FADS3: variants seen among roughly 807,000 people sequenced by gnomAD.
FADS3 encodes cytochrome b5-related protein.
A neutral mutation model predicts 60.4 loss-of-function variants in FADS3; 30 were observed. That is an observed-to-expected ratio of 0.50 (90% CI 0.37 to 0.67). FADS3 has a LOEUF of 0.67. FADS3 is among the 30% of genes least tolerant of loss of function. FADS3 has a pLI of 0.00. For synonymous variants in FADS3, 234 were observed against 249.3 expected (o/e 0.94, Z 0.58); for missense variants, 432 against 598.3 (o/e 0.72, Z 2.90).
Position 61,876,904 on chromosome 11 carries a change from G to A in FADS3, c.945C>T (p.Tyr315=), listed in dbSNP as rs367941646. The stretch of plus-strand genomic sequence containing the variant: ...AGAAGAGCAGCACCCCAGGGACGCC[G>A]TAGAAGGGGAGGTAGGATAAGAAGA... ...ARFFLSYLPF[Y]GVPGVLLFFV... Residue 315 remains tyrosine (Y), a synonymous_variant, in exon 8 of 12, where the codon TAC becomes TAT. Transcript: ENST00000278829. This position sits in a 1 kb window ranked among gnomAD's most constrained non-coding sequence, Gnocchi z 5.7. 30 of 1,610,792 alleles carry A rather than the reference G, an allele frequency of 1.9e-5. No individual in the cohort carries two copies. The highest frequency in any genetic ancestry group is 1.6e-4 in the Middle Eastern group (1 of 6,078).
Position 61,873,805 on chromosome 11 carries a change from G to T in FADS3, c.*9C>A. The T allele has an allele frequency of 2.5e-6, 4 of 1,609,400 alleles. No homozygotes were observed. The highest frequency in any genetic ancestry group is 2.2e-5 in the South Asian group (2 of 90,218). ...CCTGAGCCCTTCTCTGCCCGCCTGG[G>T]TGTTGCCTTCACTGATGGAGGTAGG... On this transcript the variant is annotated 3_prime_UTR_variant, in exon 12 of 12. Transcript: ENST00000278829.
chr11:61,877,022 C>T lies in FADS3; in HGVS notation c.886-59G>A, dbSNP rs1937921338. ...CTCCAGGTGCCCGGAGGTCTGGAGG[C>T]CTGGTGGGTGGGAGGAGGACCTCAG... On this transcript the variant is annotated intron_variant, in intron 7 of 11. Coordinates refer to ENST00000278829, the MANE Select transcript of FADS3 (RefSeq NM_021727.5). The surrounding 1 kb of genome is among the most constrained non-coding windows in gnomAD (Gnocchi z 4.7). 3.1e-6 allele frequency: 4 copies of T among 1,300,670 alleles called. No homozygotes were observed. In the South Asian group the frequency reaches 4.3e-5, roughly 14 times the overall value. 80.6% of individuals were successfully genotyped at this position (1,300,670 alleles called of 1,614,324 possible). A position where few individuals can be genotyped will look rare whatever the true frequency, so the allele number is the denominator to read the frequency against.
At chr11:61,887,439 T>C (rs770718027) in intron 1 of FADS3, among the ~76,000 whole-genome samples, 2 of 152,148 alleles carry the variant, frequency 1.3e-5, no homozygotes, top group African/African-American at 2.4e-5. Flanking sequence ...TAAATGTCCA[T>C]CAGACTCCCC....
intron 1 of FADS3, 94 bp from the exon 2 acceptor site, chr11:61,880,245 G>A (rs901648675): frequency 4.1e-6 from 4 of 965,440 alleles, no homozygotes; most frequent in African/African-American, 3.2e-5. Context: ...ACGGATGGAT[G>A]GGCAGAGCAG....
At chr11:61,879,963 G>T in intron 2 of FADS3, 78 bp downstream of exon 2, 1 of 1,222,792 alleles carries the variant, frequency 8.2e-7, no homozygotes, top group East Asian at 2.4e-5. Flanking sequence ...GCTGCTCCTG[G>T]CCATGTGGCA....
chr11:61,883,071 A>G (rs756314185), intron 1 of FADS3, among the ~76,000 whole-genome samples: 1 of 152,218 alleles, frequency 6.6e-6, no homozygotes, highest in Admixed American at 6.5e-5. Flanking sequence ...GAAATTTACC[A>G]TTGTAAGCAT....
rs753761758 is a variant in FADS3 at position 61,876,325 on chromosome 11, C to T, written c.1080+34G>A. On this transcript the variant is annotated intron_variant, in intron 9 of 11. Transcript: ENST00000278829. The surrounding 1 kb of genome is among the most constrained non-coding windows in gnomAD (Gnocchi z 5.7). ...CTGGCTCCTAGCTGGGACCCCCCAC[C>T]CCACCCAGGATGGGCCCCACCCCTG... 7 of 1,605,092 alleles carry T rather than the reference C, an allele frequency of 4.4e-6. No individual in the cohort carries two copies. Among genetic ancestry groups the T allele is most frequent in the East Asian group, 2.2e-5 (1 of 44,742 alleles).
Position 61,877,413 on chromosome 11 carries a change from G to A in FADS3, c.885+98C>T, listed in dbSNP as rs1224633687. 5 of 1,127,936 alleles carry A rather than the reference G, an allele frequency of 4.4e-6. No homozygotes were observed. Among genetic ancestry groups the A allele is most frequent in the Admixed American group, 1.7e-5 (1 of 57,822 alleles). The allele number at this position is 1,127,936 out of a possible 1,614,324, so 69.9% of individuals were successfully genotyped here. A position where few individuals can be genotyped will look rare whatever the true frequency, so the allele number is the denominator to read the frequency against. ...GTGAGCCACACTGTTGCACGCACAT[G>A]TGCACCCTGTTTGCCTTCATGGGCA... On this transcript the variant is annotated intron_variant, in intron 7 of 11. Transcript: ENST00000278829. This position sits in a 1 kb window ranked among gnomAD's most constrained non-coding sequence, Gnocchi z 4.7.
chr11:61,888,626 C>G (rs905258854), intron 1 of FADS3, among the ~76,000 whole-genome samples: 6 of 152,202 alleles, frequency 3.9e-5, no homozygotes, highest in Non-Finnish European at 8.8e-5. Flanking sequence ...GGTAGCCGTG[C>G]AGGGCTGTCC....
At chr11:61,881,459 G>C (rs1938126764) in intron 1 of FADS3, 1 of 152,072 alleles carries the variant, frequency 6.6e-6, no homozygotes, top group Admixed American at 6.5e-5. Flanking sequence ...TTTTTTCCTT[G>C]TACTTTCAGA....
At chr11:61,878,462 C>T in intron 5 of FADS3, 50 bp downstream of exon 5, 7 of 1,595,898 alleles carry the variant, frequency 4.4e-6, no homozygotes, top group South Asian at 2.3e-5. Flanking sequence ...CATTAGCTCC[C>T]CCTCAGCTGC....
intron 1 of FADS3, among the ~76,000 whole-genome samples, chr11:61,889,637 A>T (rs2136003340): frequency 6.6e-6 from 1 of 151,846 alleles, no homozygotes; most frequent in South Asian, 2.1e-4. Flanking sequence ...GCAGAGCAAG[A>T]CTCTGTCTCC....
intron 1 of FADS3, 73 bp downstream of exon 1, chr11:61,891,096 A>T: frequency 7.9e-7 from 1 of 1,270,064 alleles, no homozygotes; most frequent in Non-Finnish European, 1.1e-6. Flanking sequence ...CCACAGGTGG[A>T]GCGGGACATC....
intron 1 of FADS3, among the ~76,000 whole-genome samples, 174 bp downstream of exon 1, chr11:61,890,995 T>C (rs1251827424): frequency 6.6e-6 from 1 of 152,146 alleles, no homozygotes; most frequent in Non-Finnish European, 1.5e-5. Flanking sequence ...CTGCCCTCCC[T>C]ACCCCACATC....
At chr11:61,874,013 A>AG in intron 11 of FADS3, 148 bp from the exon 12 acceptor site, 1 of 579,154 alleles carries the variant, frequency 1.7e-6, no homozygotes, top group Non-Finnish European at 3.2e-6. Flanking sequence ...TGCGGGCTGG[A>AG]GGGTGGGTTG....
At chr11:61,883,493 ATCAC>A (rs1209066627) in intron 1 of FADS3, among the ~76,000 whole-genome samples, 5 of 152,202 alleles carry the variant, frequency 3.3e-5, no homozygotes, top group African/African-American at 1.2e-4. Flanking sequence ...ACCAGCAGGC[ATCAC>A]TCAGACACTC....
chr11:61,877,989 G>T lies in FADS3; in HGVS notation c.808+166C>A. The stretch of plus-strand genomic sequence containing the variant: ...GAGACAGCTGGGGCAAAGGCATGCT[G>T]CTGGGAGAGTGTGTACAGACTGCAG... On this transcript the variant is annotated intron_variant, in intron 6 of 11. Coordinates refer to ENST00000278829, the MANE Select transcript of FADS3 (RefSeq NM_021727.5). The surrounding 1 kb of genome is among the most constrained non-coding windows in gnomAD (Gnocchi z 4.7). 1.5e-6 allele frequency: 1 copy of T among 678,882 alleles called. No individual in the cohort carries two copies. Among genetic ancestry groups the T allele is most frequent in the Non-Finnish European group, 2.6e-6 (1 of 382,694 alleles). 42.1% of individuals were successfully genotyped at this position (678,882 alleles called of 1,614,324 possible).
In FADS3 at chr11:61,891,400, G is replaced by T. The variant is rs1002609352; in HGVS notation, c.-19C>A. On this transcript the variant is annotated 5_prime_UTR_variant, in exon 1 of 12. Coordinates refer to ENST00000278829, the MANE Select transcript of FADS3 (RefSeq NM_021727.5). ...CGCCCATGCTGCACGCACGAGTCCT[G>T]GGGATCCCAGGCGGTGGCCGAGGTC... The T allele has an allele frequency of 5.0e-6, 7 of 1,400,330 alleles. No homozygotes were observed. Among genetic ancestry groups the T allele is most frequent in the Non-Finnish European group, 6.5e-6 (7 of 1,081,516 alleles). 86.7% of individuals were successfully genotyped at this position (1,400,330 alleles called of 1,614,324 possible).
At position 61,882,911 on chromosome 11, in the gene FADS3, G is replaced by A. The variant is rs1044501987; in HGVS notation, c.214-2760C>T. On this transcript the variant is annotated intron_variant, in intron 1 of 11. Coordinates refer to ENST00000278829, the MANE Select transcript of FADS3 (RefSeq NM_021727.5). ...CACCAGGCTAATTTTTGTATATTTCGTAGAGTCGGGGTTTCACCATATTGC... is the reference window on the plus strand; with the variant it reads ...CACCAGGCTAATTTTTGTATATTTCATAGAGTCGGGGTTTCACCATATTGC... Among the ~76,000 whole-genome samples the A allele has an allele frequency of 3.9e-5, 6 of 152,066 alleles. No homozygotes were observed. The East Asian group carries it at 5.8e-4, about 15-fold the overall frequency.
Sources: gnomAD v4.1 joint callset for allele counts (sites outside exome capture counted in the v4.1 genomes callset) on GRCh38, gnomAD v4.1.1 for gene constraint, Gnocchi (gnomAD v3.1) non-coding constraint, MANE v1.5 for transcripts, NCBI Gene and HGNC (gene_info 2026-07-23, HGNC 2026-07-21) for gene names.